The following SAMD12 variants were observed in gnomAD, a reference collection of about 807,000 sequenced individuals.
SAMD12 encodes sterile alpha motif domain-containing protein 12.
SAMD12 carries 9 observed loss-of-function variants against 15.0 expected under a neutral mutation model. The ratio of observed to expected loss-of-function variants is 0.60; its 90% confidence interval spans 0.36 to 1.05. SAMD12 has a LOEUF of 1.05. SAMD12 is among the 50% of genes least tolerant of loss of function. The probability of loss-of-function intolerance (pLI) is 0.01; values close to 1 mark genes in which losing one functional copy is unlikely to be tolerated. For synonymous variants in SAMD12, 86 were observed against 90.1 expected (o/e 0.96, Z 0.25); for missense variants, 230 against 234.2 (o/e 0.98, Z 0.12).
At chr8:118,356,880 CCCA>C (rs1432968912) in intron 4 of SAMD12, among the ~76,000 whole-genome samples, 1 of 152,216 alleles carries the variant, frequency 6.6e-6, no homozygotes, top group African/African-American at 2.4e-5. Context: ...CCCTTCTCCT[CCCA>C]AATGCAATCC....
At chr8:118,289,995 C>G (rs1358252907) in intron 4 of SAMD12, among the ~76,000 whole-genome samples, 9 of 152,102 alleles carry the variant, frequency 5.9e-5, no homozygotes, top group African/African-American at 2.2e-4. Context: ...TAGGTCTTGT[C>G]TGTTTCTATG....
intron 2 of SAMD12, among the ~76,000 whole-genome samples, chr8:118,541,716 C>T (rs1825994117): frequency 6.6e-6 from 1 of 152,128 alleles, no homozygotes; most frequent in Non-Finnish European, 1.5e-5. Flanking sequence ...AAAAATTTTA[C>T]ATTATTTTAT....
chr8:118,163,832 G>A, the SAMD12 span, among the ~76,000 whole-genome samples: 4 of 151,702 alleles, frequency 2.6e-5, no homozygotes, highest in South Asian at 2.1e-4. Context: ...CCGAGATCGC[G>A]CCACTGCCCT....
At chr8:118,173,960 C>A in the SAMD12 span, among the ~76,000 whole-genome samples, 1 of 152,028 alleles carries the variant, frequency 6.6e-6, no homozygotes, top group Non-Finnish European at 1.5e-5. Context: ...ACTTATCTGG[C>A]AATTAAAAAT....
chr8:118,248,764 A>G (rs952793728), intron 4 of SAMD12, among the ~76,000 whole-genome samples: 1 of 152,170 alleles, frequency 6.6e-6, no homozygotes, highest in African/African-American at 2.4e-5. Flanking sequence ...CACTCTTTCA[A>G]CTTGTTAACA....
At chr8:118,338,325 C>T (rs952253013) in intron 4 of SAMD12, among the ~76,000 whole-genome samples, 13 of 152,188 alleles carry the variant, frequency 8.5e-5, no homozygotes, top group Admixed American at 7.9e-4. Flanking sequence ...GCAGTCAGTA[C>T]ATAAGATGTG....
At chr8:118,538,633 G>A (rs1193031001) in intron 2 of SAMD12, among the ~76,000 whole-genome samples, 3 of 152,206 alleles carry the variant, frequency 2.0e-5, no homozygotes, top group Non-Finnish European at 4.4e-5. Flanking sequence ...TCAGGGGAAT[G>A]AGAGAGAAGT....
chr8:118,252,867 T>C (rs1292756458), intron 4 of SAMD12, among the ~76,000 whole-genome samples: 1 of 152,162 alleles, frequency 6.6e-6, no homozygotes, highest in Non-Finnish European at 1.5e-5. Context: ...CCTTTTATCC[T>C]TTGTAAGAAC....
the SAMD12 span, among the ~76,000 whole-genome samples, chr8:118,170,216 C>A: frequency 6.6e-6 from 1 of 152,116 alleles, no homozygotes; most frequent in Non-Finnish European, 1.5e-5. Flanking sequence ...ACTCAGAGTG[C>A]TCGTGAAGAT....
intron 4 of SAMD12, among the ~76,000 whole-genome samples, chr8:118,270,714 T>G (rs535003105): frequency 1.3e-5 from 2 of 152,290 alleles, no homozygotes; most frequent in Admixed American, 1.3e-4. Context: ...CAGGGGAAAT[T>G]AATGACACAG....
chr8:118,188,347 TC>T (rs1462277920), downstream of SAMD12, among the ~76,000 whole-genome samples: 1 of 152,168 alleles, frequency 6.6e-6, no homozygotes, highest in African/African-American at 2.4e-5. Context: ...GGCTCCATTT[TC>T]CAAGTTCAAA....
the SAMD12 span, among the ~76,000 whole-genome samples, chr8:118,147,210 A>G: frequency 6.6e-6 from 1 of 151,850 alleles, no homozygotes; most frequent in Non-Finnish European, 1.5e-5. Flanking sequence ...TTTTTAGCAG[A>G]GATGGGGTTT....
At chr8:118,135,182 CT>C in the SAMD12 span, among the ~76,000 whole-genome samples, 1 of 152,060 alleles carries the variant, frequency 6.6e-6, no homozygotes, top group Non-Finnish European at 1.5e-5. Flanking sequence ...GGTAGTGTTT[CT>C]TTTTTGTTTT....
intron 4 of SAMD12, among the ~76,000 whole-genome samples, chr8:118,313,024 G>A (rs1361066422): frequency 6.6e-6 from 1 of 152,140 alleles, no homozygotes; most frequent in Non-Finnish European, 1.5e-5. Flanking sequence ...CTGAGAATTT[G>A]CATCCACAAA....
intron 4 of SAMD12, among the ~76,000 whole-genome samples, chr8:118,212,807 G>A (rs1345925324): frequency 2.6e-5 from 4 of 152,146 alleles, no homozygotes; most frequent in Non-Finnish European, 4.4e-5. Flanking sequence ...CACTTCAGAC[G>A]TGCATCACTG....
At chr8:118,497,414 C>A (rs1051445950) in intron 2 of SAMD12, among the ~76,000 whole-genome samples, 2 of 152,088 alleles carry the variant, frequency 1.3e-5, no homozygotes, top group Non-Finnish European at 2.9e-5. Context: ...ATGTTCTTTG[C>A]AGTAACATGA....
chr8:118,381,660 C>T (rs2130719402), intron 3 of SAMD12, among the ~76,000 whole-genome samples: 1 of 152,238 alleles, frequency 6.6e-6, no homozygotes, highest in South Asian at 2.1e-4. Context: ...TTCAGGCAGC[C>T]TCTAAAAGCT....
At chr8:118,457,874 C>G (rs558511766) in intron 2 of SAMD12, among the ~76,000 whole-genome samples, 3 of 152,294 alleles carry the variant, frequency 2.0e-5, no homozygotes, top group Middle Eastern at 3.4e-3. Flanking sequence ...ATTTGCTCAG[C>G]CTTTTCTTCC....
rs921886566 is a variant in SAMD12, at chr8:118,459,844, G to A, written c.193-19883C>T. Reference sequence around the variant, plus strand: ...AAGGCACTTTGGGATACACTGGTGAGAAACACGGACAAGACACTTGCCCAC... The same window carrying A: ...AAGGCACTTTGGGATACACTGGTGAAAAACACGGACAAGACACTTGCCCAC... On this transcript the variant is annotated intron_variant, in intron 2 of 3. Coordinates refer to ENST00000314727, the MANE Select transcript of SAMD12 (RefSeq NM_207506.3). Among the ~76,000 whole-genome samples, 33 of 152,172 alleles carry A rather than the reference G, an allele frequency of 2.2e-4. 1 individual carries two copies. The highest frequency in any genetic ancestry group is 6.8e-4 in the African/African-American group (28 of 41,452).
Sources: gnomAD v4.1 joint callset for allele counts (sites outside exome capture counted in the v4.1 genomes callset) on GRCh38, gnomAD v4.1.1 for gene constraint, MANE v1.5 for transcripts, NCBI Gene and HGNC (gene_info 2026-07-23, HGNC 2026-07-21) for gene names.